Variants in TBC1D17 observed in about 807,000 individuals in gnomAD.
TBC1D17 encodes TBC1 domain family member 17.
A neutral mutation model predicts 78.8 loss-of-function variants in TBC1D17; 69 were observed. That is an observed-to-expected ratio of 0.88 (90% CI 0.72 to 1.07). The LOEUF is 1.07. TBC1D17 is among the 50% of genes least tolerant of loss of function. The pLI is 0.00. For synonymous variants in TBC1D17, 456 were observed against 358.3 expected (o/e 1.27, Z -3.08); for missense variants, 957 against 861.0 (o/e 1.11, Z -1.39).
chr19:49,885,903 T>C (rs747219575), intron 13 of TBC1D17, among the ~76,000 whole-genome samples: 1 of 126,588 alleles, frequency 7.9e-6, no homozygotes, highest in Non-Finnish European at 1.6e-5. Context: ...CGAACTGGAG[T>C]GGGGGAGGTA....
chr19:49,878,517 A>C lies in TBC1D17; in HGVS notation c.140A>C (p.His47Pro). The C allele has an allele frequency of 1.9e-6, 3 of 1,614,140 alleles. No individual in the cohort carries two copies. Among genetic ancestry groups the C allele is most frequent in the Non-Finnish European group, 2.5e-6 (3 of 1,179,992 alleles). Residue 47 changes from histidine (H) to proline (P), a missense_variant, in exon 3 of 17, where the codon CAC becomes CCC. His to Pro is a moderately conservative substitution (Grantham distance 77). Transcript: ENST00000221543. ...CCCTAGGACAATGACGTCCTCCTGCACTGGGCTCCTGTAGAGGAGGCTGGA... is the reference window on the plus strand; with the variant it reads ...CCCTAGGACAATGACGTCCTCCTGCCCTGGGCTCCTGTAGAGGAGGCTGGA... ...VVEKDNDVLLHWAPVEEAGDS... is the reference protein window; with the variant it reads ...VVEKDNDVLLPWAPVEEAGDS...
At chr19:49,885,178 T>TGCTG (rs2075048356) in intron 13 of TBC1D17, 7 of 234,714 alleles carry the variant, frequency 3.0e-5, no homozygotes, top group Non-Finnish European at 5.2e-5. Context: ...CCAGGCACAG[T>TGCTG]GGCTCACACC....
At chr19:49,878,439 A>T in intron 2 of TBC1D17, 59 bp from the exon 3 acceptor site, 3 of 1,521,828 alleles carry the variant, frequency 2.0e-6, no homozygotes, top group South Asian at 2.3e-5. Context: ...TTTGCAACGG[A>T]AAGTTTTGGG....
chr19:49,883,509 A>G, intron 9 of TBC1D17, 142 bp from the exon 10 acceptor site: 3 of 654,132 alleles, frequency 4.6e-6, no homozygotes, highest in East Asian at 2.7e-5. Context: ...GATAGTGGCA[A>G]GAATGACGAG....
At position 49,888,645 on chromosome 19, in the gene TBC1D17, C is replaced by A; in HGVS notation, c.*21C>A. ...CCTAACCCCGCCAGGCAGCCTCGTT[C>A]TGCACAGGCACTTTAGCCCGAGCCA... On this transcript the variant is annotated 3_prime_UTR_variant, in exon 17 of 17. Coordinates refer to ENST00000221543, the MANE Select transcript of TBC1D17 (RefSeq NM_024682.3). 4 of 1,524,858 alleles carry A rather than the reference C, an allele frequency of 2.6e-6. No individual in the cohort carries two copies. Among genetic ancestry groups the A allele is most frequent in the Non-Finnish European group, 3.5e-6 (4 of 1,140,564 alleles). The allele number at this position is 1,524,858 out of a possible 1,614,324, so 94.5% of individuals were successfully genotyped here. A position where few individuals can be genotyped will look rare whatever the true frequency, so the allele number is the denominator to read the frequency against.
At chr19:49,878,265 C>G in intron 2 of TBC1D17, 24 bp downstream of exon 2, 1 of 1,547,622 alleles carries the variant, frequency 6.5e-7, no homozygotes. Flanking sequence ...GAGCAGGGCT[C>G]GGACCCGCTC....
chr19:49,878,927 C>G (rs1221196723), intron 3 of TBC1D17: 2 of 265,380 alleles, frequency 7.5e-6, no homozygotes, highest in Non-Finnish European at 1.5e-5. Context: ...AGCCTACTCA[C>G]CCACTTCGTC....
Position 49,884,753 on chromosome 19 carries a change from T to G in TBC1D17, c.1439T>G (p.Phe480Cys). 6.2e-7 allele frequency: 1 copy of G among 1,613,748 alleles called. No individual in the cohort carries two copies. The highest frequency in any genetic ancestry group is 8.5e-7 in the Non-Finnish European group (1 of 1,179,966). ...GTGCTGGACCCCCTGCTCTGCGACT[T>G]CCTGGGTATGTCTCTCGGGAGGGTG... ...LRVLDPLLCDFLDSQDSGSLC... is the reference protein window; with the variant it reads ...LRVLDPLLCDCLDSQDSGSLC... The change falls in exon 13 of 17, where the codon TTC becomes TGC. Residue 480 changes from phenylalanine to cysteine, a missense_variant. Phe to Cys is a radical substitution (Grantham distance 205, BLOSUM62 -2). Transcript: ENST00000221543.
At chr19:49,880,033 T>C (rs1397949689) in intron 3 of TBC1D17, among the ~76,000 whole-genome samples, 3 of 151,914 alleles carry the variant, frequency 2.0e-5, no homozygotes, top group Non-Finnish European at 4.4e-5. Flanking sequence ...TTTTTGTATT[T>C]TTTTAGTAGA....
intron 14 of TBC1D17, 48 bp from the exon 15 acceptor site, chr19:49,887,670 C>G (rs756944139): frequency 6.2e-6 from 10 of 1,610,048 alleles, no homozygotes; most frequent in Non-Finnish European, 8.5e-6. Flanking sequence ...GACCTCAGGC[C>G]CAGGCTGGGC....
At position 49,882,819 on chromosome 19, in the gene TBC1D17, A is replaced by AG; in HGVS notation, c.855dup (p.Trp286ValfsTer8). ...CGGGGCCCTCCAGTTACAGAGGAGGAGTGGGCACGCCACGTGGGCCCTGAA... is the reference window on the plus strand; with the variant it reads ...CGGGGCCCTCCAGTTACAGAGGAGGAGGTGGGCACGCCACGTGGGCCCTGAA... On this transcript the variant is annotated frameshift_variant, in exon 8 of 17. Transcript: ENST00000221543. LOFTEE classifies it high-confidence loss of function. 1 of 1,609,538 alleles carries AG rather than the reference A, an allele frequency of 6.2e-7. No individual in the cohort carries two copies. Among genetic ancestry groups the AG allele is most frequent in the Non-Finnish European group, 8.5e-7 (1 of 1,178,432 alleles).
At chr19:49,883,469 T>C (rs1040883570) in intron 9 of TBC1D17, among the ~76,000 whole-genome samples, 182 bp from the exon 10 acceptor site, 8 of 151,972 alleles carry the variant, frequency 5.3e-5, no homozygotes, top group Non-Finnish European at 8.8e-5. Context: ...GGCTATGTAG[T>C]GAGAGATGCC....
chr19:49,885,336 T>G (rs2075049471), intron 13 of TBC1D17: 1 of 154,278 alleles, frequency 6.5e-6, no homozygotes, highest in African/African-American at 2.4e-5. Flanking sequence ...TCCCAGCTAC[T>G]CAGGAGGCTG....
At chr19:49,879,929 C>T (rs1224712150) in intron 3 of TBC1D17, among the ~76,000 whole-genome samples, 1 of 150,164 alleles carries the variant, frequency 6.7e-6, no homozygotes, top group Non-Finnish European at 1.5e-5. Context: ...TCTCAGCTCA[C>T]TGCAACCTCC....
rs376607617 is a variant in TBC1D17, at chr19:49,884,650, G to A, written c.1345-9G>A. The A allele has an allele frequency of 3.0e-5, 48 of 1,614,056 alleles. No homozygotes were observed. The highest frequency in any genetic ancestry group is 1.7e-4 in the African/African-American group (13 of 74,990). Reference sequence around the variant, plus strand: ...GGTCTGCTCTTTCCCCCCTCCTTCCGTCCCACAGCAAGGGAACTTTGAAGA... The same window carrying A: ...GGTCTGCTCTTTCCCCCCTCCTTCCATCCCACAGCAAGGGAACTTTGAAGA... On this transcript the variant is annotated splice_polypyrimidine_tract_variant and intron_variant, in intron 12 of 16. Coordinates refer to ENST00000221543, the MANE Select transcript of TBC1D17 (RefSeq NM_024682.3).
In TBC1D17 at chr19:49,888,461, C is replaced by T. The variant is rs1410791898; in HGVS notation, c.1784C>T (p.Ala595Val). The T allele has an allele frequency of 3.8e-6, 6 of 1,596,764 alleles. No homozygotes were observed. The highest frequency in any genetic ancestry group is 1.1e-5 in the South Asian group (1 of 89,626). Residue 595 changes from alanine (A) to valine (V), a missense_variant, in exon 17 of 17, where the codon GCC becomes GTC. Transcript: ENST00000221543. ...PHNVQEILGL[A>V]PPAEPHSPSP... ...AACGTGCAGGAGATCCTGGGGCTGG[C>T]CCCGCCCGCAGAGCCCCACAGCCCC...
Position 49,888,600 on chromosome 19 carries a change from G to A in TBC1D17, c.1923G>A (p.Glu641=). Residue 641 remains glutamate (E), a synonymous_variant, in exon 17 of 17, where the codon GAG becomes GAA. Coordinates refer to ENST00000221543, the MANE Select transcript of TBC1D17 (RefSeq NM_024682.3). ...PDSSLEILPE[E]EDEGADS ...GCAGCCTGGAGATCCTGCCCGAGGA[G>A]GAGGACGAGGGCGCCGACTCCTAAC... The A allele has an allele frequency of 6.5e-7, 1 of 1,536,284 alleles. No individual in the cohort carries two copies. The highest frequency in any genetic ancestry group is 8.7e-7 in the Non-Finnish European group (1 of 1,145,944).
chr19:49,881,345 A>G lies in TBC1D17; in HGVS notation c.397A>G (p.Lys133Glu). The G allele has an allele frequency of 3.1e-6, 5 of 1,613,330 alleles. No individual in the cohort carries two copies. The highest frequency in any genetic ancestry group is 4.2e-6 in the Non-Finnish European group (5 of 1,179,978). ...GGAGCTAAAGTCCATCCGCCGCTCC[A>G]AGCCAGGCCTCAGCTGGGCCTACCT... ...LGELKSIRRS[K>E]PGLSWAYLVL... The change falls in exon 5 of 17, where the codon AAG becomes GAG. Residue 133 changes from lysine to glutamate, a missense_variant. Lys to Glu is a moderately conservative substitution (Grantham distance 56). Transcript: ENST00000221543.
rs1348905308 is a variant in TBC1D17 at position 49,882,114 on chromosome 19, C to G, written c.601C>G (p.Leu201Val). Reference protein sequence around the residue: ...SSALSNSFHHLQLFDQDSSNV... With the variant: ...SSALSNSFHHVQLFDQDSSNV... ...TGCTCTCTCCAACTCCTTCCACCAC[C>G]TGCAGCTCTTTGACCAGGACAGCTC... Residue 201 changes from leucine to valine, a missense_variant, in exon 6 of 17, where the codon CTG (leucine) becomes GTG (valine). Physicochemically the swap from Leu to Val is conservative, Grantham distance 32 (BLOSUM62 1). Transcript: ENST00000221543. The G allele has an allele frequency of 3.7e-6, 6 of 1,614,074 alleles. No individual in the cohort carries two copies. Among genetic ancestry groups the G allele is most frequent in the African/African-American group, 1.3e-5 (1 of 74,932 alleles).
Sources: allele counts gnomAD v4.1 joint callset (sites outside exome capture counted in the v4.1 genomes callset), GRCh38; gene constraint gnomAD v4.1.1; transcripts MANE v1.5; gene names NCBI Gene and HGNC (gene_info 2026-07-23, HGNC 2026-07-21).